Variants in CNTNAP4 observed in about 807,000 individuals in gnomAD.
CNTNAP4 encodes contactin-associated protein-like 4.
Under a neutral mutation model 148.4 loss-of-function variants are expected in CNTNAP4, and 98 were observed. The observed-to-expected ratio is 0.66, with a 90% confidence interval of 0.56 to 0.78. The LOEUF (loss-of-function observed/expected upper bound fraction) is 0.78. Ranked by LOEUF, CNTNAP4 falls within the 30% of genes least tolerant of loss-of-function variation. The pLI is 0.00. For missense variants in CNTNAP4, 1,935 were observed against 1,565.6 expected (o/e 1.24, Z -3.98); for synonymous variants, 730 against 565.1 (o/e 1.29, Z -4.14).
In CNTNAP4 at chr16:76,436,377, A is replaced by G. The variant is rs183319933; in HGVS notation, c.538+8778A>G. On this transcript the variant is annotated intron_variant, in intron 4 of 23. Transcript: ENST00000611870. ...AGTTGCAAGGTTCCATTCTTTTCCA[A>G]TCAATGCCTTCATTTTAACAGTAGA... 8.8e-4 allele frequency among the ~76,000 whole-genome samples: 134 copies of G among 152,152 alleles called. 2 individuals are homozygous for G. The highest frequency in any genetic ancestry group is 8.1e-3 in the Admixed American group (123 of 15,262).
chr16:76,545,361 G>A (rs2084665433), intron 21 of CNTNAP4, among the ~76,000 whole-genome samples: 1 of 152,142 alleles, frequency 6.6e-6, no homozygotes, highest in African/African-American at 2.4e-5. Context: ...GAGGTGTCAT[G>A]TTCCAAATCC....
chr16:76,303,512 T>C (rs1222470314), intron 1 of CNTNAP4, among the ~76,000 whole-genome samples: 1 of 152,176 alleles, frequency 6.6e-6, no homozygotes, highest in African/African-American at 2.4e-5. Flanking sequence ...ATATCAGTAA[T>C]GGAAGTAGCA....
rs1401685933 is a variant in CNTNAP4, at chr16:76,506,043, A to G, written c.2365+7349A>G. ...CTGGAATCGTGCTGAATATGTTTCT[A>G]ACTTATATTGACTTTAGAAACTTTA... On this transcript the variant is annotated intron_variant, in intron 15 of 23. Transcript: ENST00000611870. Among the ~76,000 whole-genome samples, 6 of 98,126 alleles carry G rather than the reference A, an allele frequency of 6.1e-5. 2 individuals are homozygous for G. The highest frequency in any genetic ancestry group is 1.2e-4 in the Non-Finnish European group (4 of 34,504). The allele number at this position is 98,126 out of a possible 152,430, so 64.4% of individuals were successfully genotyped here.
chr16:76,497,300 C>T (rs2082431387), intron 14 of CNTNAP4, among the ~76,000 whole-genome samples: 1 of 152,088 alleles, frequency 6.6e-6, no homozygotes, highest in African/African-American at 2.4e-5. Flanking sequence ...TCTTAGCAAG[C>T]TTCTGACATT....
chr16:76,482,168 G>A (rs1216217302), intron 12 of CNTNAP4, among the ~76,000 whole-genome samples: 1 of 151,956 alleles, frequency 6.6e-6, no homozygotes, highest in Non-Finnish European at 1.5e-5. Flanking sequence ...TACTTTATAA[G>A]ATACAATTTC....
intron 2 of CNTNAP4, among the ~76,000 whole-genome samples, chr16:76,338,346 C>G (rs570001036): frequency 6.6e-6 from 1 of 152,302 alleles, no homozygotes; most frequent in Non-Finnish European, 1.5e-5. Flanking sequence ...TCCTTTCTTG[C>G]CTTGATGACA....
At chr16:76,512,682 A>G (rs1010409174) in intron 15 of CNTNAP4, among the ~76,000 whole-genome samples, 1 of 152,180 alleles carries the variant, frequency 6.6e-6, no homozygotes, top group African/African-American at 2.4e-5. Context: ...ACAAGATGGA[A>G]CAGCAGGAGT....
At chr16:76,326,788 G>A (rs1208244673) in intron 2 of CNTNAP4, among the ~76,000 whole-genome samples, 11 of 150,636 alleles carry the variant, frequency 7.3e-5, no homozygotes, top group Non-Finnish European at 1.5e-4. Flanking sequence ...ATCACACACC[G>A]GGGCCTGTTG....
chr16:76,554,139 A>T (rs557474019), intron 23 of CNTNAP4, among the ~76,000 whole-genome samples: 1 of 152,194 alleles, frequency 6.6e-6, no homozygotes, highest in Non-Finnish European at 1.5e-5. Flanking sequence ...TCACTGAAGC[A>T]TGGCACTCAA....
intron 15 of CNTNAP4, 50 bp from the exon 16 acceptor site, chr16:76,521,089 GA>G (rs1208325823): frequency 4.8e-5 from 71 of 1,475,594 alleles, no homozygotes; most frequent in Admixed American, 9.0e-5. Context: ...TTTATTTCAT[GA>G]ATTTGTTTTC....
At chr16:76,545,179 C>A (rs2084656503) in intron 21 of CNTNAP4, among the ~76,000 whole-genome samples, 1 of 152,074 alleles carries the variant, frequency 6.6e-6, no homozygotes, top group African/African-American at 2.4e-5. Context: ...TGTATCAGGT[C>A]CATTGATTTT....
intron 12 of CNTNAP4, among the ~76,000 whole-genome samples, chr16:76,488,102 TAACCTTA>T (rs1412530648): frequency 6.6e-6 from 1 of 152,188 alleles, no homozygotes; most frequent in African/African-American, 2.4e-5. Context: ...TAGTTAATAA[TAACCTTA>T]AACTTCCGAT....
chr16:76,542,369 A>T (rs1242113910), intron 21 of CNTNAP4, among the ~76,000 whole-genome samples: 2 of 152,184 alleles, frequency 1.3e-5, no homozygotes, highest in African/African-American at 4.8e-5. Flanking sequence ...ATTTTTTAAT[A>T]ACATTAGAGG....
intron 10 of CNTNAP4, among the ~76,000 whole-genome samples, chr16:76,474,391 G>A (rs2081487272): frequency 6.6e-6 from 1 of 152,182 alleles, no homozygotes. Flanking sequence ...TCAAGGGCCT[G>A]TAGTCCGCAA....
intron 1 of CNTNAP4, among the ~76,000 whole-genome samples, chr16:76,308,689 G>A (rs752297792): frequency 6.6e-6 from 1 of 152,238 alleles, no homozygotes; most frequent in Non-Finnish European, 1.5e-5. Flanking sequence ...GGTTCTGGCT[G>A]TGGGACACAA....
chr16:76,305,679 T>G (rs2143975646), intron 1 of CNTNAP4, among the ~76,000 whole-genome samples: 1 of 152,174 alleles, frequency 6.6e-6, no homozygotes, highest in African/African-American at 2.4e-5. Flanking sequence ...ATCATTCGTT[T>G]TTGTTGTTGT....
At chr16:76,530,593 G>A (rs147930472) in intron 17 of CNTNAP4, among the ~76,000 whole-genome samples, 497 of 152,280 alleles carry the variant, frequency 3.3e-3, no homozygotes, top group Admixed American at 4.7e-3. Context: ...AAATAGACTC[G>A]TTCTTTCTGC....
chr16:76,332,737 TTC>T (rs1288991990), intron 2 of CNTNAP4, among the ~76,000 whole-genome samples: 1 of 152,180 alleles, frequency 6.6e-6, no homozygotes, highest in Non-Finnish European at 1.5e-5. Context: ...ATCATATTTT[TTC>T]CTTTTTATCA....
intron 15 of CNTNAP4, among the ~76,000 whole-genome samples, chr16:76,499,453 A>G (rs919853966): frequency 4.6e-5 from 7 of 151,968 alleles, no homozygotes; most frequent in African/African-American, 1.7e-4. Context: ...TGGCTACTAG[A>G]TTTGGTAATT....
Sources: gnomAD v4.1 joint callset for allele counts (sites outside exome capture counted in the v4.1 genomes callset) on GRCh38, gnomAD v4.1.1 for gene constraint, MANE v1.5 for transcripts, NCBI Gene and HGNC (gene_info 2026-07-23, HGNC 2026-07-21) for gene names.